The following TBCK variants were observed in gnomAD, a reference collection of about 807,000 sequenced individuals.
TBCK encodes the protein TBC domain-containing protein kinase-like protein.
TBCK carries 99 observed loss-of-function variants against 113.4 expected under a neutral mutation model. The observed-to-expected ratio is 0.87, with a 90% CI of 0.74 to 1.03. The LOEUF (loss-of-function observed/expected upper bound fraction) is 1.03. Among genes scored for constraint, TBCK ranks in the 50% least tolerant of loss-of-function variants. The pLI is 0.00. For synonymous variants in TBCK, 369 were observed against 370.8 expected, an observed-to-expected ratio of 1.00 and a Z score of 0.05; for missense variants, 1,045 against 1,061.3, an observed-to-expected ratio of 0.98 and a Z score of 0.21.
chr4:106,152,352 T>C (rs920969149), intron 23 of TBCK, among the ~76,000 whole-genome samples: 4 of 152,060 alleles, frequency 2.6e-5, no homozygotes, highest in Non-Finnish European at 5.9e-5. Context: ...CATATGGTTT[T>C]TGTACCTTAT....
intron 19 of TBCK, among the ~76,000 whole-genome samples, chr4:106,214,550 G>A (rs1476648410): frequency 2.6e-5 from 4 of 151,994 alleles, no homozygotes; most frequent in East Asian, 3.9e-4. Flanking sequence ...ACCAAGGCTC[G>A]AGAACTATGT....
chr4:106,265,790 G>A (rs1366218761), intron 3 of TBCK, among the ~76,000 whole-genome samples: 4 of 151,572 alleles, frequency 2.6e-5, no homozygotes, highest in South Asian at 2.1e-4. Flanking sequence ...TGTTTTTCTC[G>A]AACTATTTTT....
intron 15 of TBCK, among the ~76,000 whole-genome samples, chr4:106,233,892 T>C (rs544584364): frequency 1.3e-5 from 2 of 152,064 alleles, no homozygotes; most frequent in African/African-American, 2.4e-5. Context: ...GAATTATACA[T>C]ACCAGAACAT....
intron 3 of TBCK, among the ~76,000 whole-genome samples, chr4:106,288,169 A>C (rs938041052): frequency 5.3e-5 from 8 of 151,922 alleles, no homozygotes; most frequent in Non-Finnish European, 1.2e-4. Context: ...CGAGGCAGGC[A>C]GACTGCCTGA....
intron 25 of TBCK, among the ~76,000 whole-genome samples, chr4:106,070,140 C>T (rs571889208): frequency 9.2e-5 from 14 of 152,254 alleles, no homozygotes; most frequent in Admixed American, 2.0e-4. Context: ...ATTTCTTTCT[C>T]CTGCCTGATT....
At chr4:106,197,341 A>AGTGT (rs34095868) in intron 20 of TBCK, among the ~76,000 whole-genome samples, 37,841 of 142,058 alleles carry the variant, frequency 0.27, 5,037 homozygotes, top group Non-Finnish European at 0.28. Context: ...ATTACTGAAG[A>AGTGT]GTGTGTGTGT....
intron 2 of TBCK, among the ~76,000 whole-genome samples, chr4:106,304,478 G>A (rs969253333): frequency 1.1e-4 from 16 of 152,076 alleles, no homozygotes; most frequent in South Asian, 2.1e-4. Context: ...TTTTTTCCAC[G>A]TTTAAGTATC....
chr4:106,129,519 G>A (rs1015729881), intron 23 of TBCK, among the ~76,000 whole-genome samples: 2 of 152,098 alleles, frequency 1.3e-5, no homozygotes, highest in Non-Finnish European at 2.9e-5. Flanking sequence ...AAACATTTAC[G>A]TGTATAGCAA....
intron 5 of TBCK, among the ~76,000 whole-genome samples, chr4:106,257,206 T>A (rs1210022582): frequency 6.6e-6 from 1 of 152,106 alleles, no homozygotes; most frequent in Non-Finnish European, 1.5e-5. Flanking sequence ...AGACATGGAG[T>A]GAAATTTTGC....
intron 2 of TBCK, among the ~76,000 whole-genome samples, chr4:106,301,377 G>A (rs554309364): frequency 1.4e-3 from 216 of 152,144 alleles, no homozygotes; most frequent in Non-Finnish European, 2.1e-3. Context: ...AAAAAAGGAT[G>A]CACTACCATT....
rs1768217619 is a variant in TBCK at position 106,311,741 on chromosome 4, ATG to A, written c.-29-2754_-29-2753del. ...GCTCTGTATCTATATTTATCTACAT[ATG>A]TGTGTGTTAATACCACATATTTCAT... On this transcript the variant is annotated intron_variant, in intron 1 of 25. Coordinates refer to ENST00000394708, the MANE Select transcript of TBCK (RefSeq NM_001163435.3). 2.6e-5 allele frequency among the ~76,000 whole-genome samples: 4 copies of A among 152,094 alleles called. No individual in the cohort carries two copies. In the South Asian group the frequency reaches 8.3e-4, roughly 32 times the overall value.
intron 20 of TBCK, among the ~76,000 whole-genome samples, chr4:106,205,772 C>A (rs1350628170): frequency 2.9e-5 from 4 of 140,316 alleles, no homozygotes; most frequent in African/African-American, 7.8e-5. Flanking sequence ...AAAAAAAAAA[C>A]AACAAAAAAA....
At chr4:106,314,103 C>T (rs373881647) in intron 1 of TBCK, among the ~76,000 whole-genome samples, 9 of 152,034 alleles carry the variant, frequency 5.9e-5, no homozygotes, top group South Asian at 2.1e-4. Flanking sequence ...TGGTTTTTGG[C>T]ACGTGAATAA....
intron 20 of TBCK, among the ~76,000 whole-genome samples, chr4:106,209,660 T>C (rs1755910290): frequency 6.6e-6 from 1 of 152,166 alleles, no homozygotes; most frequent in Non-Finnish European, 1.5e-5. Context: ...ATTGATTGTA[T>C]GGTCATCTCT....
At chr4:106,281,924 G>A (rs1040012201) in intron 3 of TBCK, among the ~76,000 whole-genome samples, 16 of 152,044 alleles carry the variant, frequency 1.1e-4, no homozygotes, top group Admixed American at 7.2e-4. Context: ...CTCGTAGAAT[G>A]AGCTTAGAAG....
intron 3 of TBCK, among the ~76,000 whole-genome samples, chr4:106,293,907 A>G (rs1765987918): frequency 6.6e-6 from 1 of 152,232 alleles, no homozygotes; most frequent in African/African-American, 2.4e-5. Flanking sequence ...TTATACATTA[A>G]GAAAGATTTT....
At chr4:106,216,687 T>A (rs546351416) in intron 19 of TBCK, among the ~76,000 whole-genome samples, 4 of 152,192 alleles carry the variant, frequency 2.6e-5, no homozygotes, top group Non-Finnish European at 4.4e-5. Flanking sequence ...AATCTCTGAA[T>A]AGACCAATAA....
chr4:106,101,655 T>G (rs1015579226), intron 24 of TBCK, among the ~76,000 whole-genome samples: 1 of 152,042 alleles, frequency 6.6e-6, no homozygotes, highest in African/African-American at 2.4e-5. Flanking sequence ...AGATACTAAC[T>G]TTTTTTTAAA....
intron 20 of TBCK, among the ~76,000 whole-genome samples, chr4:106,195,311 T>C (rs1192310917): frequency 6.6e-6 from 1 of 152,156 alleles, no homozygotes; most frequent in East Asian, 1.9e-4. Context: ...AGAATGTCTT[T>C]ATTTCACCAA....
Sources: gnomAD v4.1 joint callset for allele counts (sites outside exome capture counted in the v4.1 genomes callset) on GRCh38, gnomAD v4.1.1 for gene constraint, MANE v1.5 for transcripts, NCBI Gene and HGNC (gene_info 2026-07-23, HGNC 2026-07-21) for gene names.